TAFA2: variants seen among roughly 807,000 people sequenced by gnomAD.
TAFA2 encodes the protein chemokine-like protein TAFA-2.
TAFA2 carries 7 observed loss-of-function variants against 18.8 expected under a neutral mutation model. The observed-to-expected ratio is 0.37, with a 90% CI of 0.21 to 0.70. The LOEUF (loss-of-function observed/expected upper bound fraction) is 0.70. TAFA2 is among the 30% of genes least tolerant of loss of function. The pLI is 0.53. For missense variants in TAFA2, 122 were observed against 158.1 expected (o/e 0.77, Z 1.23); for synonymous variants, 60 against 54.2 (o/e 1.11, Z -0.47).
chr12:62,064,464 C>A (rs1882435274), intron 1 of TAFA2, among the ~76,000 whole-genome samples: 1 of 151,636 alleles, frequency 6.6e-6, no homozygotes, highest in South Asian at 2.1e-4. Context: ...GCCAGTATAA[C>A]ATTAAAAGGG....
At chr12:62,186,762 A>C (rs561652009) in intron 1 of TAFA2, among the ~76,000 whole-genome samples, 1 of 152,280 alleles carries the variant, frequency 6.6e-6, no homozygotes, top group East Asian at 1.9e-4. Context: ...TTCCTTAGTT[A>C]TATATCTCAT....
At chr12:62,046,372 C>G (rs1220736682) in intron 1 of TAFA2, among the ~76,000 whole-genome samples, 3 of 151,904 alleles carry the variant, frequency 2.0e-5, no homozygotes, top group Non-Finnish European at 4.4e-5. Context: ...CTGCAATCTT[C>G]TATCTCAACC....
At chr12:62,172,137 A>T (rs74523535) in intron 1 of TAFA2, among the ~76,000 whole-genome samples, 3,060 of 152,316 alleles carry the variant, frequency 0.02, 93 homozygotes, top group African/African-American at 0.068. Flanking sequence ...GATTCTTTTA[A>T]AAAAGAAAAC....
At chr12:61,856,251 T>C (rs965491429) in intron 2 of TAFA2, among the ~76,000 whole-genome samples, 4 of 152,042 alleles carry the variant, frequency 2.6e-5, no homozygotes, top group African/African-American at 7.2e-5. Flanking sequence ...TATATGCTAA[T>C]TGACTGAATG....
chr12:61,715,827 G>A (rs1869633931), intron 4 of TAFA2, among the ~76,000 whole-genome samples: 1 of 151,982 alleles, frequency 6.6e-6, no homozygotes, highest in East Asian at 1.9e-4. Flanking sequence ...GCTACAGGGA[G>A]GATTGCTTGA....
At chr12:61,764,184 A>T (rs1245373962) in intron 2 of TAFA2, among the ~76,000 whole-genome samples, 2 of 151,784 alleles carry the variant, frequency 1.3e-5, no homozygotes, top group Admixed American at 1.3e-4. Context: ...GTCCATTTAC[A>T]ATTACAATAA....
intron 1 of TAFA2, among the ~76,000 whole-genome samples, chr12:62,201,216 T>C (rs1158523662): frequency 6.6e-6 from 1 of 152,182 alleles, no homozygotes; most frequent in East Asian, 1.9e-4. Flanking sequence ...CTCTTCCTAT[T>C]TGAATATGCT....
chr12:62,236,708 G>C (rs1354483242), intron 1 of TAFA2, among the ~76,000 whole-genome samples: 1 of 152,142 alleles, frequency 6.6e-6, no homozygotes, highest in African/African-American at 2.4e-5. Context: ...CTTTATGTTT[G>C]AAGGAAAGCT....
intron 1 of TAFA2, among the ~76,000 whole-genome samples, chr12:62,019,268 G>C (rs1184686458): frequency 2.0e-5 from 3 of 152,010 alleles, no homozygotes; most frequent in Admixed American, 2.0e-4. Flanking sequence ...TCAGTGTGGC[G>C]ATTCCTCAGG....
intron 2 of TAFA2, among the ~76,000 whole-genome samples, chr12:61,761,738 G>A (rs1869555328): frequency 6.6e-6 from 1 of 152,010 alleles, no homozygotes. Flanking sequence ...CAAAATTAGA[G>A]ATAAGAATCC....
At chr12:62,206,035 A>G (rs1021374567) in intron 1 of TAFA2, among the ~76,000 whole-genome samples, 2 of 151,938 alleles carry the variant, frequency 1.3e-5, no homozygotes, top group African/African-American at 2.4e-5. Flanking sequence ...CTCGCTCTCC[A>G]TGGGTCACGC....
At chr12:62,104,791 G>C (rs1869371817) in intron 1 of TAFA2, 1 of 435,138 alleles carries the variant, frequency 2.3e-6, no homozygotes. Context: ...CTTTCTCTAG[G>C]GGAGAGCAAA....
chr12:61,941,720 C>A (rs1400309682), intron 1 of TAFA2, among the ~76,000 whole-genome samples: 1 of 152,210 alleles, frequency 6.6e-6, no homozygotes, highest in Non-Finnish European at 1.5e-5. Flanking sequence ...GGGTCACTCC[C>A]ACCCGAATAT....
chr12:61,990,498 T>C (rs12833363), intron 1 of TAFA2, among the ~76,000 whole-genome samples: 6 of 151,882 alleles, frequency 4.0e-5, no homozygotes, highest in South Asian at 4.2e-4. Flanking sequence ...CGCCACCACG[T>C]CCGGCTAATT....
intron 2 of TAFA2, among the ~76,000 whole-genome samples, chr12:61,770,157 C>A (rs926310248): frequency 3.3e-5 from 5 of 151,780 alleles, no homozygotes; most frequent in African/African-American, 1.2e-4. Flanking sequence ...AGCTCAAAGA[C>A]AAGGCTTTCA....
At chr12:61,969,024 T>C (rs938141934) in intron 1 of TAFA2, among the ~76,000 whole-genome samples, 3 of 151,730 alleles carry the variant, frequency 2.0e-5, no homozygotes, top group African/African-American at 7.3e-5. Flanking sequence ...GAATAATGTA[T>C]ATGAAATGCA....
intron 2 of TAFA2, among the ~76,000 whole-genome samples, chr12:61,860,779 T>G (rs1874093843): frequency 1.3e-5 from 2 of 152,206 alleles, no homozygotes; most frequent in African/African-American, 4.8e-5. Flanking sequence ...AAGTCTTCCC[T>G]GAAACTGTAC....
At chr12:62,255,486 T>C (rs2062933888) in intron 1 of TAFA2, among the ~76,000 whole-genome samples, 1 of 152,228 alleles carries the variant, frequency 6.6e-6, no homozygotes, top group African/African-American at 2.4e-5. Context: ...CTGCAGAATA[T>C]ACTATGCCTA....
chr12:61,803,502 T>A (rs1454167367), intron 2 of TAFA2, among the ~76,000 whole-genome samples: 1 of 151,914 alleles, frequency 6.6e-6, no homozygotes, highest in Non-Finnish European at 1.5e-5. Flanking sequence ...GAAGTTTCTA[T>A]GATTAAGAGC....
Sources: gnomAD v4.1 joint callset for allele counts (sites outside exome capture counted in the v4.1 genomes callset) on GRCh38, gnomAD v4.1.1 for gene constraint, MANE v1.5 for transcripts, NCBI Gene and HGNC (gene_info 2026-07-23, HGNC 2026-07-21) for gene names.